Variants in ZNF486 observed in about 807,000 individuals in gnomAD.
ZNF486 encodes KRAB box only protein 2.
ZNF486 carries 12 observed loss-of-function variants against 12.8 expected under a neutral mutation model. The ratio of observed to expected loss-of-function variants is 0.94; its 90% confidence interval spans 0.60 to 1.52. ZNF486 has a LOEUF of 1.52. Among genes scored for constraint, ZNF486 ranks in the 40% most tolerant of loss-of-function variants. ZNF486 has a pLI of 0.00. For missense variants in ZNF486, 738 were observed against 545.0 expected (o/e 1.35, Z -3.53); for synonymous variants, 231 against 184.9 (o/e 1.25, Z -2.02).
At position 20,169,509 on chromosome 19, in the gene ZNF486, A is replaced by G. The variant is rs373712738; in HGVS notation, c.30+2149A>G. Reference sequence around the variant, plus strand: ...ACCCATGGAAGGAGCCTTTATCCTGAGAGAAGCTACGGAGCCCTGGAAAGC... The same window carrying G: ...ACCCATGGAAGGAGCCTTTATCCTGGGAGAAGCTACGGAGCCCTGGAAAGC... On this transcript the variant is annotated intron_variant, in intron 1 of 3. Coordinates refer to ENST00000335117, the MANE Select transcript of ZNF486 (RefSeq NM_052852.4). Among the ~76,000 whole-genome samples, 222 of 152,336 alleles carry G rather than the reference A, an allele frequency of 1.5e-3. 1 individual carries two copies. The highest frequency in any genetic ancestry group is 5.1e-3 in the African/African-American group (214 of 41,588).
rs782818262 is a variant in ZNF486, at chr19:20,197,393, A to G, written c.683A>G (p.His228Arg). ...AACCGGTCCTCACACCTTACTACAC[A>G]TAAGATAACTCATACTAGAGAGAAA... The part of the protein sequence containing the change: ...AFNRSSHLTT[H>R]KITHTREKPY... Residue 228 changes from histidine (H) to arginine (R), a missense_variant, in exon 4 of 4, where the codon CAT (histidine) becomes CGT (arginine). Physicochemically the swap from His to Arg is conservative, Grantham distance 29. Transcript: ENST00000335117. 3.7e-6 allele frequency: 6 copies of G among 1,613,694 alleles called. No individual in the cohort carries two copies. The highest frequency in any genetic ancestry group is 5.1e-6 in the Non-Finnish European group (6 of 1,179,778).
At chr19:20,172,998 T>G (rs534568819) in intron 1 of ZNF486, among the ~76,000 whole-genome samples, 1 of 152,240 alleles carries the variant, frequency 6.6e-6, no homozygotes, top group Admixed American at 6.5e-5. Context: ...TTGTAAATAT[T>G]TTTGTTTATT....
Position 20,187,795 on chromosome 19 carries a change from G to A in ZNF486, c.253+1713G>A, listed in dbSNP as rs901928592. Among the ~76,000 whole-genome samples the A allele has an allele frequency of 2.6e-5, 4 of 151,974 alleles. No individual in the cohort carries two copies. In the South Asian group the frequency reaches 6.2e-4, roughly 24 times the overall value. On this transcript the variant is annotated intron_variant, in intron 3 of 3. Transcript: ENST00000335117. ...TGGGATTACAGGTGTGAGCCACCAC[G>A]CCTGGCCTTCAAGTTTTTATAAACT...
rs782200357 is a variant in ZNF486, at chr19:20,197,321, A to T, written c.611A>T (p.Asp204Val). Residue 204 changes from aspartate (D) to valine (V), a missense_variant, in exon 4 of 4, where the codon GAT (aspartate) becomes GTT (valine). Physicochemically the swap from Asp to Val is radical, Grantham distance 152. Coordinates refer to ENST00000335117, the MANE Select transcript of ZNF486 (RefSeq NM_052852.4). ...ACCCATACTACACATAAAAAAATTG[A>T]TACTGGAGAGAAACCATACAAATGT... The part of the protein sequence containing the change: ...SSTHTTHKKI[D>V]TGEKPYKCEE... 49 of 1,612,860 alleles carry T rather than the reference A, an allele frequency of 3.0e-5. No individual in the cohort carries two copies. Among genetic ancestry groups the T allele is most frequent in the Middle Eastern group, 3.3e-4 (2 of 5,986 alleles).
rs369069395 is a variant in ZNF486 at position 20,197,912 on chromosome 19, C to G, written c.1202C>G (p.Thr401Ser). ...AGLHKHRRTH[T>S]GEKPYKCEEC... The stretch of plus-strand genomic sequence containing the variant: ...CTCCATAAACATAGGAGAACTCATA[C>G]TGGAGAGAAACCCTACAAATGTGAA... The change falls in exon 4 of 4, where the codon ACT becomes AGT. Residue 401 changes from threonine to serine, a missense_variant. Coordinates refer to ENST00000335117, the MANE Select transcript of ZNF486 (RefSeq NM_052852.4). 80 of 1,613,156 alleles carry G rather than the reference C, an allele frequency of 5.0e-5. No homozygotes were observed. The African/African-American group carries it at 9.4e-4, about 19-fold the overall frequency.
intron 3 of ZNF486, chr19:20,188,443 G>T (rs1317583898): frequency 2.5e-6 from 1 of 398,310 alleles, no homozygotes; most frequent in Non-Finnish European, 4.4e-6. Context: ...CAGGATTTTG[G>T]GAGGCCAACA....
intron 1 of ZNF486, among the ~76,000 whole-genome samples, chr19:20,171,310 AG>A (rs1406968769): frequency 6.6e-6 from 1 of 152,190 alleles, no homozygotes; most frequent in Admixed American, 6.5e-5. Context: ...CTTAGAGAAA[AG>A]GAGCTCTGAT....
chr19:20,200,312 A>G lies in ZNF486; in HGVS notation c.*2210A>G, dbSNP rs1000492350. 26 of 152,158 alleles carry G rather than the reference A, an allele frequency of 1.7e-4. No individual in the cohort carries two copies. The highest frequency in any genetic ancestry group is 6.3e-4 in the African/African-American group (26 of 41,418). 9.4% of individuals were successfully genotyped at this position (152,158 alleles called of 1,614,324 possible). A position where few individuals can be genotyped will look rare whatever the true frequency, so the allele number is the denominator to read the frequency against. Reference sequence around the variant, plus strand: ...AAAATGTAAGATGCATGATGAAAATATAAGTGGAGAGGCTCTTTGTAGTTA... The same window carrying G: ...AAAATGTAAGATGCATGATGAAAATGTAAGTGGAGAGGCTCTTTGTAGTTA... On this transcript the variant is annotated 3_prime_UTR_variant, in exon 4 of 4. Coordinates refer to ENST00000335117, the MANE Select transcript of ZNF486 (RefSeq NM_052852.4).
rs1328878507 is a variant in ZNF486 at position 20,200,230 on chromosome 19, G to T, written c.*2128G>T. The T allele has an allele frequency of 1.3e-5, 2 of 152,110 alleles. No individual in the cohort carries two copies. The highest frequency in any genetic ancestry group is 4.8e-5 in the African/African-American group (2 of 41,422). The allele number at this position is 152,110 out of a possible 1,614,324, so 9.4% of individuals were successfully genotyped here. A position where few individuals can be genotyped will look rare whatever the true frequency, so the allele number is the denominator to read the frequency against. On this transcript the variant is annotated 3_prime_UTR_variant, in exon 4 of 4. Transcript: ENST00000335117. ...AATTTTTGCTGCATCAGAGATATTA[G>T]AGATAGTTTTTTATTAATTGGGCAT...
chr19:20,197,038 A>C lies in ZNF486; in HGVS notation c.328A>C (p.Arg110=). Residue 110 remains arginine (R), a synonymous_variant, in exon 4 of 4, where the codon AGA becomes CGA. Transcript: ENST00000335117. ...IKDSYQKVIL[R]KFEKCGHGNL... ...AGATTCTTACCAAAAAGTGATACTG[A>C]GAAAATTTGAAAAATGTGGACATGG... is the stretch of plus-strand genomic sequence containing the variant. 1 of 1,610,682 alleles carries C rather than the reference A, an allele frequency of 6.2e-7. No homozygotes were observed. Among genetic ancestry groups the C allele is most frequent in the Non-Finnish European group, 8.5e-7 (1 of 1,179,222 alleles).
chr19:20,170,041 C>A (rs1555713673), intron 1 of ZNF486, among the ~76,000 whole-genome samples: 2 of 151,726 alleles, frequency 1.3e-5, no homozygotes, highest in Admixed American at 6.6e-5. Flanking sequence ...CAGGCGCCCG[C>A]CACCACGCCC....
At chr19:20,173,541 CA>C (rs1342406800) in intron 1 of ZNF486, among the ~76,000 whole-genome samples, 4 of 151,792 alleles carry the variant, frequency 2.6e-5, no homozygotes, top group Admixed American at 2.0e-4. Flanking sequence ...TAAAAACTTC[CA>C]AAAAAAGGCC....
Position 20,185,971 on chromosome 19 carries a change from AT to A in ZNF486, c.158-11del. On this transcript the variant is annotated splice_polypyrimidine_tract_variant and intron_variant, in intron 2 of 3. Coordinates refer to ENST00000335117, the MANE Select transcript of ZNF486 (RefSeq NM_052852.4). The stretch of plus-strand genomic sequence containing the variant: ...AATATAAGCAAGATTAATGCTATTT[AT>A]TTTTAATGAAACAGGTATTATTGTC... The A allele has an allele frequency of 6.7e-7, 1 of 1,498,960 alleles. No homozygotes were observed. Among genetic ancestry groups the A allele is most frequent in the Non-Finnish European group, 8.9e-7 (1 of 1,121,094 alleles). 92.9% of individuals were successfully genotyped at this position (1,498,960 alleles called of 1,614,324 possible).
intron 1 of ZNF486, among the ~76,000 whole-genome samples, chr19:20,178,383 A>G (rs896751032): frequency 1.3e-5 from 2 of 152,132 alleles, no homozygotes; most frequent in South Asian, 4.1e-4. Context: ...AGCTGGGACT[A>G]CAGGCTCCCA....
At chr19:20,192,355 A>G (rs1049094993) in intron 3 of ZNF486, among the ~76,000 whole-genome samples, 4 of 152,046 alleles carry the variant, frequency 2.6e-5, no homozygotes, top group Non-Finnish European at 5.9e-5. Context: ...TTGTTGCCCA[A>G]GCTGGAGTGC....
Position 20,197,952 on chromosome 19 carries a change from G to A in ZNF486, c.1242G>A (p.Ala414=), listed in dbSNP as rs201365000. The A allele has an allele frequency of 4.8e-5, 77 of 1,612,942 alleles. No homozygotes were observed. Among genetic ancestry groups the A allele is most frequent in the Non-Finnish European group, 3.7e-5 (44 of 1,179,602 alleles). ...ACAAATGTGAAGAATGTGGCAAAGC[G>A]TATACTACATCCTCAAATCTAACTG... ...KPYKCEECGK[A]YTTSSNLTEH... Residue 414 remains alanine (A), a synonymous_variant, in exon 4 of 4, where the codon GCG becomes GCA. Transcript: ENST00000335117.
At chr19:20,172,656 T>C (rs1335906593) in intron 1 of ZNF486, among the ~76,000 whole-genome samples, 3 of 149,394 alleles carry the variant, frequency 2.0e-5, no homozygotes, top group Admixed American at 2.0e-4. Flanking sequence ...TAAGTTCTTT[T>C]TTTTTTTTTG....
Position 20,197,993 on chromosome 19 carries a change from A to G in ZNF486, c.1283A>G (p.His428Arg). Residue 428 changes from histidine to arginine, a missense_variant, in exon 4 of 4, where the codon CAT becomes CGT. Coordinates refer to ENST00000335117, the MANE Select transcript of ZNF486 (RefSeq NM_052852.4). ...SSNLTEHKTT[H>R]TGEKPYKCKE... The stretch of plus-strand genomic sequence containing the variant: ...AATCTAACTGAACATAAGACAACTC[A>G]TACTGGAGAGAAACCTTACAAATGT... 1 of 1,613,882 alleles carries G rather than the reference A, an allele frequency of 6.2e-7. No homozygotes were observed. Among genetic ancestry groups the G allele is most frequent in the Non-Finnish European group, 8.5e-7 (1 of 1,179,848 alleles).
intron 3 of ZNF486, chr19:20,188,261 A>G (rs940598024): frequency 2.6e-6 from 1 of 389,264 alleles, no homozygotes; most frequent in Non-Finnish European, 4.5e-6. Flanking sequence ...CTTTTGTGAG[A>G]GAAATACTTG....
Sources: allele counts gnomAD v4.1 joint callset (sites outside exome capture counted in the v4.1 genomes callset), GRCh38; gene constraint gnomAD v4.1.1; transcripts MANE v1.5; gene names NCBI Gene and HGNC (gene_info 2026-07-23, HGNC 2026-07-21).